The following PLXNA2 variants were observed in gnomAD, a reference collection of about 807,000 sequenced individuals.
The protein encoded by PLXNA2 is plexin A2, also known as plexin-A2.
In PLXNA2, 91 loss-of-function variants were observed where a neutral mutation model predicts 193.5. The observed-to-expected ratio is 0.47, with a 90% CI of 0.40 to 0.56. The LOEUF is 0.56. Ranked by LOEUF, PLXNA2 falls within the 20% of genes least tolerant of loss-of-function variation. The pLI is 0.00. For missense variants in PLXNA2, 1,995 were observed against 2,503.2 expected, an observed-to-expected ratio of 0.80 and a Z score of 4.33; for synonymous variants, 997 against 1,027.3, an observed-to-expected ratio of 0.97 and a Z score of 0.56.
intron 5 of PLXNA2, among the ~76,000 whole-genome samples, chr1:208,100,072 G>A (rs1389911772): frequency 6.6e-6 from 1 of 151,110 alleles, no homozygotes; most frequent in African/African-American, 2.4e-5. Flanking sequence ...TTCCTCAACT[G>A]TAAAAAAAAA....
intron 3 of PLXNA2, among the ~76,000 whole-genome samples, chr1:208,169,200 A>C (rs554903776): frequency 6.6e-6 from 1 of 152,172 alleles, no homozygotes; most frequent in Non-Finnish European, 1.5e-5. Flanking sequence ...CAAGGGAAAA[A>C]GAGGCTCTGA....
intron 12 of PLXNA2, 104 bp from the exon 13 acceptor site, chr1:208,060,941 TTAAATTCCTC>T (rs1277625019): frequency 1.0e-6 from 1 of 959,534 alleles, no homozygotes; most frequent in African/African-American, 1.7e-5. Context: ...CCATAGGTTC[TTAAATTCCTC>T]CACCAGGAAT....
chr1:208,044,894 G>A lies in PLXNA2; in HGVS notation c.3640-152C>T. ...AAAGCAATTTCCTGCCTCGGCATCT[G>A]CCTTTCTTTTCTTGTGTTCTCAGCT... On this transcript the variant is annotated intron_variant, in intron 19 of 31. Coordinates refer to ENST00000367033, the MANE Select transcript of PLXNA2 (RefSeq NM_025179.4). The surrounding 1 kb of genome is among the most constrained non-coding windows in gnomAD (Gnocchi z 4.9). The A allele has an allele frequency of 9.7e-7, 1 of 1,028,580 alleles. No individual in the cohort carries two copies. The highest frequency in any genetic ancestry group is 1.4e-6 in the Non-Finnish European group (1 of 689,830). 63.7% of individuals were successfully genotyped at this position (1,028,580 alleles called of 1,614,324 possible). A position where few individuals can be genotyped will look rare whatever the true frequency, so the allele number is the denominator to read the frequency against.
intron 3 of PLXNA2, among the ~76,000 whole-genome samples, chr1:208,151,283 T>G (rs1488465037): frequency 1.3e-5 from 2 of 152,220 alleles, no homozygotes; most frequent in Non-Finnish European, 2.9e-5. Flanking sequence ...CAAGTTCTAG[T>G]AGTGTGGGCA....
intron 15 of PLXNA2, among the ~76,000 whole-genome samples, 189 bp from the exon 16 acceptor site, chr1:208,051,612 C>T (rs681429): frequency 0.96 from 146,828 of 152,222 alleles, 71,056 homozygotes; most frequent in Middle Eastern, 1. Flanking sequence ...ATTAGGGAGG[C>T]AGCAAATTGG....
intron 13 of PLXNA2, among the ~76,000 whole-genome samples, chr1:208,055,725 TA>T (rs150919451): frequency 0.011 from 1,632 of 152,286 alleles, 35 homozygotes; most frequent in African/African-American, 0.037. Flanking sequence ...GGAAGGTAAC[TA>T]AACAGAGATT....
At chr1:208,119,919 C>T (rs984842054) in intron 4 of PLXNA2, among the ~76,000 whole-genome samples, 9 of 152,204 alleles carry the variant, frequency 5.9e-5, no homozygotes, top group South Asian at 2.1e-4. Context: ...TGGCCTTCTC[C>T]GGAACTTTCT....
chr1:208,180,359 A>C (rs1669802691), intron 3 of PLXNA2, among the ~76,000 whole-genome samples: 1 of 151,900 alleles, frequency 6.6e-6, no homozygotes, highest in South Asian at 2.1e-4. Flanking sequence ...CTGAGTGGGC[A>C]CCTCTGCCGG....
chr1:208,148,451 T>C (rs1241485818), intron 3 of PLXNA2, among the ~76,000 whole-genome samples: 1 of 152,200 alleles, frequency 6.6e-6, no homozygotes, highest in Non-Finnish European at 1.5e-5. Context: ...CTGTGTGACT[T>C]CAGGCAAGTC....
intron 4 of PLXNA2, among the ~76,000 whole-genome samples, chr1:208,138,889 T>G (rs1668382326): frequency 6.6e-6 from 1 of 152,132 alleles, no homozygotes; most frequent in Non-Finnish European, 1.5e-5. Flanking sequence ...TAGCTGTGTG[T>G]GGTGGCATGT....
At chr1:208,172,196 C>T (rs1432504580) in intron 3 of PLXNA2, among the ~76,000 whole-genome samples, 1 of 151,730 alleles carries the variant, frequency 6.6e-6, no homozygotes, top group Non-Finnish European at 1.5e-5. Flanking sequence ...GAAAGATGCA[C>T]ATATTGTTTG....
At chr1:208,194,972 T>A (rs1292112087) in intron 3 of PLXNA2, among the ~76,000 whole-genome samples, 1 of 151,980 alleles carries the variant, frequency 6.6e-6, no homozygotes, top group Non-Finnish European at 1.5e-5. Context: ...GCCACCAGAG[T>A]CCACGCTGAA....
chr1:208,066,543 C>G (rs1203390839), intron 12 of PLXNA2, among the ~76,000 whole-genome samples: 1 of 152,164 alleles, frequency 6.6e-6, no homozygotes, highest in Non-Finnish European at 1.5e-5. Flanking sequence ...ATAGGAAAGC[C>G]TAGCATATAC....
At chr1:208,223,384 T>C (rs1477716034) in intron 1 of PLXNA2, among the ~76,000 whole-genome samples, 1 of 151,968 alleles carries the variant, frequency 6.6e-6, no homozygotes, top group East Asian at 1.9e-4. Flanking sequence ...GGTGGAAGGG[T>C]CCTGGGAGTT....
rs989851577 is a variant in PLXNA2 at position 208,155,763 on chromosome 1, T to C, written c.1372-13300A>G. On this transcript the variant is annotated intron_variant, in intron 3 of 31. Transcript: ENST00000367033. The stretch of plus-strand genomic sequence containing the variant: ...CTCTGGCTCATGGGATGCTGAGCTC[T>C]GGCTCATGGGATGCTGGGCTCCAGC... 9.9e-5 allele frequency among the ~76,000 whole-genome samples: 15 copies of C among 151,638 alleles called. 1 individual carries two copies. The highest frequency in any genetic ancestry group is 3.4e-4 in the African/African-American group (14 of 41,378).
chr1:208,116,453 A>C lies in PLXNA2; in HGVS notation c.1507-13206T>G, dbSNP rs1667641784. On this transcript the variant is annotated intron_variant, in intron 4 of 31. Transcript: ENST00000367033. The stretch of plus-strand genomic sequence containing the variant: ...TCCAGGTTTTATTTTAAGCTCTTTA[A>C]TCAAATGCACTATGCTAAAGTTCTC... Among the ~76,000 whole-genome samples, 2 of 152,216 alleles carry C rather than the reference A, an allele frequency of 1.3e-5. 1 individual carries two copies. Among genetic ancestry groups the C allele is most frequent in the South Asian group, 4.1e-4 (2 of 4,830 alleles).
intron 1 of PLXNA2, among the ~76,000 whole-genome samples, chr1:208,240,074 T>G (rs114941000): frequency 6.6e-6 from 1 of 152,216 alleles, no homozygotes; most frequent in Non-Finnish European, 1.5e-5. Flanking sequence ...CAGAGAACTT[T>G]TGCACTGCTC....
At chr1:208,079,471 C>A in intron 11 of PLXNA2, 21 bp from the exon 12 acceptor site, 1 of 1,540,648 alleles carries the variant, frequency 6.5e-7, no homozygotes, top group South Asian at 1.2e-5. Flanking sequence ...AGCAGGTGGT[C>A]ACAGATGAAA....
chr1:208,143,069 T>G (rs548657129), intron 3 of PLXNA2, among the ~76,000 whole-genome samples: 2 of 152,216 alleles, frequency 1.3e-5, no homozygotes, highest in East Asian at 3.9e-4. Flanking sequence ...CCTAGGAAAA[T>G]AAGTCAGAAA....
Sources: gnomAD v4.1 joint callset for allele counts (sites outside exome capture counted in the v4.1 genomes callset) on GRCh38, gnomAD v4.1.1 for gene constraint, Gnocchi (gnomAD v3.1) non-coding constraint, MANE v1.5 for transcripts, NCBI Gene and HGNC (gene_info 2026-07-23, HGNC 2026-07-21) for gene names.